ACAT2: variants seen among roughly 807,000 people sequenced by gnomAD.
The protein encoded by ACAT2 is acetyl-CoA acetyltransferase 2.
Under a neutral mutation model 37.1 loss-of-function variants are expected in ACAT2, and 26 were observed. The ratio of observed to expected loss-of-function variants is 0.70; its 90% CI spans 0.51 to 0.97. The LOEUF (loss-of-function observed/expected upper bound fraction) is 0.97. Ranked by LOEUF, ACAT2 falls within the 50% of genes least tolerant of loss-of-function variation. The probability of loss-of-function intolerance (pLI) is 0.00; values close to 1 mark genes in which losing one functional copy is unlikely to be tolerated. For synonymous variants in ACAT2, 156 were observed against 163.6 expected (o/e 0.95, Z 0.35); for missense variants, 468 against 489.0 (o/e 0.96, Z 0.40).
intron 8 of ACAT2, 143 bp downstream of exon 8, chr6:159,778,423 T>TA (rs1562480807): frequency 0.019 from 1,600 of 83,372 alleles, 24 homozygotes; most frequent in African/African-American, 0.062. Context: ...TTCCCAAGGT[T>TA]TAAAAAAAAA....
Position 159,777,358 on chromosome 6 carries a change from C to T in ACAT2, c.814C>T (p.Arg272Cys), listed in dbSNP as rs906353564. The T allele has an allele frequency of 6.2e-6, 10 of 1,614,020 alleles. No individual in the cohort carries two copies. Among genetic ancestry groups the T allele is most frequent in the African/African-American group, 1.3e-5 (1 of 74,908 alleles). ...VLMKKSEADK[R>C]GLTPLARIVS... Reference sequence around the variant, plus strand: ...TATGAAGAAGTCAGAAGCTGATAAACGTGGGCTTACACCTTTAGCACGGAT... The same window carrying T: ...TATGAAGAAGTCAGAAGCTGATAAATGTGGGCTTACACCTTTAGCACGGAT... Residue 272 changes from arginine to cysteine, a missense_variant, in exon 7 of 9, where the codon CGT becomes TGT. Physicochemically the swap from Arg to Cys is radical, Grantham distance 180. Transcript: ENST00000367048.
At chr6:159,771,743 G>A (rs1418066672) in intron 4 of ACAT2, among the ~76,000 whole-genome samples, 2 of 151,730 alleles carry the variant, frequency 1.3e-5, no homozygotes, top group African/African-American at 4.8e-5. Context: ...AAATACTAAA[G>A]GAGCCAGGCA....
chr6:159,778,603 A>T, intron 8 of ACAT2, 56 bp from the exon 9 acceptor site: 1 of 1,579,838 alleles, frequency 6.3e-7, no homozygotes, highest in Admixed American at 1.7e-5. Context: ...CAAGTTTAAG[A>T]TTTTAAACTG....
chr6:159,765,678 CCCCT>C (rs201329973), intron 2 of ACAT2, among the ~76,000 whole-genome samples: 19 of 58,652 alleles, frequency 3.2e-4, no homozygotes, highest in South Asian at 8.0e-4. Flanking sequence ...GTAATGCGCC[CCCCT>C]CCCCCGGCCT....
Position 159,777,746 on chromosome 6 carries a change from ATGTCG to A in ACAT2, c.912+291_912+295del, listed in dbSNP as rs1780451797. Among the ~76,000 whole-genome samples, 4 of 43,694 alleles carry A rather than the reference ATGTCG, an allele frequency of 9.2e-5. No individual in the cohort carries two copies. In the South Asian group the frequency reaches 3.2e-3, roughly 35 times the overall value. 28.7% of individuals were successfully genotyped at this position (43,694 alleles called of 152,430 possible). ...TCTTCATTTCGTAGAGACAAGGTCT[ATGTCG>A]CCCAGGCTGGTTTTGAACTCCTGAG... On this transcript the variant is annotated intron_variant, in intron 7 of 8. Coordinates refer to ENST00000367048, the MANE Select transcript of ACAT2 (RefSeq NM_005891.3).
intron 8 of ACAT2, 80 bp downstream of exon 8, chr6:159,778,360 G>C (rs1044563104): frequency 1.0e-6 from 1 of 971,258 alleles, no homozygotes; most frequent in African/African-American, 1.7e-5. Flanking sequence ...CTAGGTGTTG[G>C]CCATGTGGGT....
Position 159,768,636 on chromosome 6 carries a change from A to G in ACAT2, c.490+8A>G, listed in dbSNP as rs762032856. Reference sequence around the variant, plus strand: ...GTCATATGGGTATTACAGGTAAGGCAGACATGGCTGAAACTGTATTAGCTT... The same window carrying G: ...GTCATATGGGTATTACAGGTAAGGCGGACATGGCTGAAACTGTATTAGCTT... On this transcript the variant is annotated splice_region_variant and intron_variant, in intron 4 of 8. Transcript: ENST00000367048. 53 of 1,572,288 alleles carry G rather than the reference A, an allele frequency of 3.4e-5. No individual in the cohort carries two copies. Among genetic ancestry groups the G allele is most frequent in the Non-Finnish European group, 4.6e-5 (52 of 1,142,146 alleles).
intron 2 of ACAT2, among the ~76,000 whole-genome samples, chr6:159,765,176 C>T (rs547348630): frequency 8.6e-5 from 13 of 152,030 alleles, no homozygotes; most frequent in South Asian, 4.1e-4. Flanking sequence ...AGTGCAGTGA[C>T]GCAATCTTGG....
At chr6:159,769,842 A>C (rs866504684) in intron 4 of ACAT2, among the ~76,000 whole-genome samples, 1 of 152,216 alleles carries the variant, frequency 6.6e-6, no homozygotes, top group South Asian at 2.1e-4. Context: ...AGAAAAAAAG[A>C]GCTCCAGAAA....
At chr6:159,775,382 C>T (rs2114983897) in intron 5 of ACAT2, 69 bp downstream of exon 5, 2 of 1,501,772 alleles carry the variant, frequency 1.3e-6, no homozygotes, top group Non-Finnish European at 1.8e-6. Context: ...AAGAGTAATA[C>T]ATAGGAATCT....
At chr6:159,768,364 G>A in intron 3 of ACAT2, 147 bp from the exon 4 acceptor site, 1 of 630,620 alleles carries the variant, frequency 1.6e-6, no homozygotes, top group Non-Finnish European at 2.9e-6. Flanking sequence ...TTTAGACCTT[G>A]GCCTGGCTGA....
chr6:159,768,709 C>A, intron 4 of ACAT2, 81 bp downstream of exon 4: 1 of 924,880 alleles, frequency 1.1e-6, no homozygotes, highest in Non-Finnish European at 1.7e-6. Context: ...TAGGTGCTTT[C>A]GTCCTTATGG....
At chr6:159,774,728 G>A (rs80240607) in intron 4 of ACAT2, among the ~76,000 whole-genome samples, 4,739 of 152,250 alleles carry the variant, frequency 0.031, 110 homozygotes, top group South Asian at 0.067. Context: ...GGTGTGAGCC[G>A]CCACACTTGG....
chr6:159,768,414 A>G (rs1780287511), intron 3 of ACAT2, 97 bp from the exon 4 acceptor site: 2 of 921,176 alleles, frequency 2.2e-6, no homozygotes, highest in African/African-American at 1.6e-5. Flanking sequence ...AGGGGCCTAG[A>G]TGAAGACTTA....
At chr6:159,771,376 G>A (rs986096565) in intron 4 of ACAT2, among the ~76,000 whole-genome samples, 10 of 152,030 alleles carry the variant, frequency 6.6e-5, no homozygotes, top group South Asian at 2.1e-4. Context: ...ATGAAACTCC[G>A]TCTCAAAAAA....
At chr6:159,762,341 C>G (rs1780158389) in intron 1 of ACAT2, 199 bp downstream of exon 1, 71 of 1,242,138 alleles carry the variant, frequency 5.7e-5, no homozygotes, top group South Asian at 7.9e-5. Context: ...TCTCCTCTCC[C>G]GATGTGCGCA....
chr6:159,778,152 T>C lies in ACAT2; in HGVS notation c.913-18T>C. The C allele has an allele frequency of 6.4e-7, 1 of 1,566,136 alleles. No homozygotes were observed. Among genetic ancestry groups the C allele is most frequent in the South Asian group, 1.1e-5 (1 of 88,588 alleles). On this transcript the variant is annotated intron_variant, in intron 7 of 8. Transcript: ENST00000367048. ...TCCACCCAAGTTTAGACCTCTTTTC[T>C]ATGAATCTTTCCTCTAGGTTACAAA...
intron 2 of ACAT2, among the ~76,000 whole-genome samples, chr6:159,763,450 G>A (rs188391031): frequency 2.2e-4 from 33 of 152,122 alleles, no homozygotes; most frequent in Middle Eastern, 3.4e-3. Flanking sequence ...AGGCTGAGGT[G>A]GGAGGATCAC....
rs779545242 is a variant in ACAT2 at position 159,777,440 on chromosome 6, C to T, written c.896C>T (p.Pro299Leu). 5 of 1,613,466 alleles carry T rather than the reference C, an allele frequency of 3.1e-6. No homozygotes were observed. In the Admixed American group the frequency reaches 8.4e-5, roughly 27 times the overall value. The change falls in exon 7 of 9, where the codon CCA (proline) becomes CTA (leucine). Residue 299 changes from proline (P) to leucine (L), a missense_variant. By Grantham distance (98) the Pro-to-Leu change is moderately conservative (BLOSUM62 -3). Transcript: ENST00000367048. ...EPSIMGIGPI[P>L]AIKQAVTKAG... ...TCCATTATGGGAATAGGACCAATTC[C>T]AGCCATAAAGCAAGCTGTGAGTATA...
Sources: allele counts gnomAD v4.1 joint callset (sites outside exome capture counted in the v4.1 genomes callset), GRCh38; gene constraint gnomAD v4.1.1; transcripts MANE v1.5; gene names NCBI Gene and HGNC (gene_info 2026-07-23, HGNC 2026-07-21).